The following BMS1 variants were observed in gnomAD, a reference collection of about 807,000 sequenced individuals.
BMS1 encodes BMS1 ribosome biogenesis factor.
Under a neutral mutation model 138.7 loss-of-function variants are expected in BMS1, and 53 were observed. That is an observed-to-expected ratio of 0.38 (90% CI 0.31 to 0.48). The LOEUF is 0.48. BMS1 is among the 20% of genes least tolerant of loss of function. The probability of loss-of-function intolerance (pLI) is 0.97; values close to 1 mark genes in which losing one functional copy is unlikely to be tolerated. For missense variants in BMS1, 1,360 were observed against 1,565.5 expected (o/e 0.87, Z 2.22); for synonymous variants, 504 against 539.9 (o/e 0.93, Z 0.92).
intron 3 of BMS1, 100 bp downstream of exon 3, chr10:42,785,772 G>A: frequency 7.6e-7 from 1 of 1,313,808 alleles, no homozygotes; most frequent in East Asian, 2.3e-5. Context: ...GTTAAATATT[G>A]TCATATCATG....
chr10:42,785,628 G>T lies in BMS1; in HGVS notation c.323G>T (p.Arg108Leu), dbSNP rs375112560. The change falls in exon 3 of 23, where the codon CGG becomes CTG. Residue 108 changes from arginine (R) to leucine (L), a missense_variant. Arg to Leu is a moderately radical substitution (Grantham distance 102, BLOSUM62 -2). Transcript: ENST00000374518. ...CAATGCCTCATTCGGAACTTTACCC[G>T]GCAGAAGTTGACTGAGATCAGAGGC... ...LIQCLIRNFTRQKLTEIRGPV... is the reference protein window; with the variant it reads ...LIQCLIRNFTLQKLTEIRGPV... The T allele has an allele frequency of 4.3e-6, 7 of 1,613,770 alleles. No homozygotes were observed. The highest frequency in any genetic ancestry group is 1.3e-5 in the African/African-American group (1 of 74,904).
At chr10:42,819,821 T>C (rs1842449261) in intron 15 of BMS1, among the ~76,000 whole-genome samples, 1 of 152,140 alleles carries the variant, frequency 6.6e-6, no homozygotes, top group East Asian at 1.9e-4. Flanking sequence ...AGATGGAATC[T>C]CGCTCTATTG....
intron 13 of BMS1, among the ~76,000 whole-genome samples, chr10:42,814,698 TG>T (rs1420290892): frequency 6.6e-6 from 1 of 152,216 alleles, no homozygotes; most frequent in African/African-American, 2.4e-5. Context: ...GGTGTTATTT[TG>T]GTCTGTTTGG....
At chr10:42,815,007 A>G (rs1842302428) in intron 13 of BMS1, among the ~76,000 whole-genome samples, 1 of 152,188 alleles carries the variant, frequency 6.6e-6, no homozygotes. Context: ...CCCTAGTCCT[A>G]GAGTCCCTCA....
At position 42,814,183 on chromosome 10, in the gene BMS1, C is replaced by T. The variant is rs187850391; in HGVS notation, c.2330-2416C>T. ...GCGTCAGGAATTAGTTATTTGCATGCTTTTGCAGCTCTGGTCTCCTGTGGG... is the reference window on the plus strand; with the variant it reads ...GCGTCAGGAATTAGTTATTTGCATGTTTTTGCAGCTCTGGTCTCCTGTGGG... On this transcript the variant is annotated intron_variant, in intron 13 of 22. Coordinates refer to ENST00000374518, the MANE Select transcript of BMS1 (RefSeq NM_014753.4). Among the ~76,000 whole-genome samples the T allele has an allele frequency of 8.5e-5, 13 of 152,290 alleles. No homozygotes were observed. The East Asian group carries it at 2.3e-3, about 27-fold the overall frequency.
At chr10:42,813,643 C>G (rs1842254117) in intron 13 of BMS1, among the ~76,000 whole-genome samples, 1 of 152,216 alleles carries the variant, frequency 6.6e-6, no homozygotes, top group Non-Finnish European at 1.5e-5. Flanking sequence ...ATCCACATTT[C>G]TGGTCTTTCC....
intron 2 of BMS1, among the ~76,000 whole-genome samples, chr10:42,785,230 C>G (rs920897663): frequency 3.9e-5 from 6 of 152,112 alleles, no homozygotes; most frequent in African/African-American, 7.2e-5. Context: ...AATTTTCGCT[C>G]TCTATAGTAT....
intron 13 of BMS1, among the ~76,000 whole-genome samples, chr10:42,807,725 T>C (rs1564421649): frequency 2.6e-5 from 4 of 152,200 alleles, no homozygotes; most frequent in Admixed American, 2.0e-4. Context: ...TGGCCTGTTT[T>C]CAATTTTTGA....
At chr10:42,792,365 T>C in intron 6 of BMS1, 128 bp from the exon 7 acceptor site, 1 of 1,317,970 alleles carries the variant, frequency 7.6e-7, no homozygotes, top group Non-Finnish European at 1.0e-6. Flanking sequence ...TGCCTCCTTA[T>C]TTCTGCATTT....
In BMS1 at chr10:42,797,250, G is replaced by A; in HGVS notation, c.1987+19G>A. 5 of 1,593,698 alleles carry A rather than the reference G, an allele frequency of 3.1e-6. No individual in the cohort carries two copies. Among genetic ancestry groups the A allele is most frequent in the South Asian group, 1.1e-5 (1 of 88,064 alleles). On this transcript the variant is annotated intron_variant, in intron 10 of 22. Transcript: ENST00000374518. ...ACGTCAGGTAAGCTTAAATGTAGTT[G>A]GTTGCTGCTATGAACTTGGCTCTCG... is the stretch of plus-strand genomic sequence containing the variant.
intron 13 of BMS1, among the ~76,000 whole-genome samples, chr10:42,811,767 G>A (rs1375847465): frequency 1.3e-5 from 2 of 150,466 alleles, no homozygotes; most frequent in African/African-American, 4.9e-5. Flanking sequence ...CTCGTGATCC[G>A]CCCGCCTCGG....
chr10:42,788,583 TTATTC>T (rs113539835), intron 4 of BMS1, among the ~76,000 whole-genome samples: 15,979 of 152,122 alleles, frequency 0.11, 984 homozygotes, highest in African/African-American at 0.17. Flanking sequence ...ACACCAGAAT[TTATTC>T]TAACTGTATT....
In BMS1 at chr10:42,820,110, A is replaced by G. The variant is rs537451736; in HGVS notation, c.2581-126A>G. On this transcript the variant is annotated intron_variant, in intron 15 of 22. Coordinates refer to ENST00000374518, the MANE Select transcript of BMS1 (RefSeq NM_014753.4). ...CCTGGCCAAATGTGTAGTATTTTTAATAGGGTAAAGCCTACATAATTCTGT... is the reference window on the plus strand; with the variant it reads ...CCTGGCCAAATGTGTAGTATTTTTAGTAGGGTAAAGCCTACATAATTCTGT... 1.0e-5 allele frequency: 13 copies of G among 1,260,490 alleles called. No homozygotes were observed. In the African/African-American group the frequency reaches 1.5e-4, roughly 15 times the overall value. The allele number at this position is 1,260,490 out of a possible 1,614,324, so 78.1% of individuals were successfully genotyped here.
chr10:42,813,918 G>C (rs1272287922), intron 13 of BMS1, among the ~76,000 whole-genome samples: 1 of 151,862 alleles, frequency 6.6e-6, no homozygotes, highest in Non-Finnish European at 1.5e-5. Flanking sequence ...TTTTTTGTTT[G>C]TTGGTTTGGT....
chr10:42,803,425 C>T (rs1226828123), intron 13 of BMS1, among the ~76,000 whole-genome samples: 3 of 152,136 alleles, frequency 2.0e-5, no homozygotes, highest in Admixed American at 6.6e-5. Context: ...AGGCATGAGC[C>T]ACTGTGCCTA....
chr10:42,797,367 A>G, intron 10 of BMS1, 55 bp from the exon 11 acceptor site: 1 of 1,599,124 alleles, frequency 6.3e-7, no homozygotes, highest in Non-Finnish European at 8.6e-7. Flanking sequence ...ATGGATCTCA[A>G]GGGAGGGGAG....
At chr10:42,792,115 G>C (rs527386563) in intron 6 of BMS1, among the ~76,000 whole-genome samples, 1 of 151,996 alleles carries the variant, frequency 6.6e-6, no homozygotes, top group Non-Finnish European at 1.5e-5. Context: ...GCTCTTCCTC[G>C]TGTGGTTTTC....
At position 42,793,161 on chromosome 10, in the gene BMS1, A is replaced by C. The variant is rs375570538; in HGVS notation, c.1089+17A>C. On this transcript the variant is annotated intron_variant, in intron 8 of 22. Coordinates refer to ENST00000374518, the MANE Select transcript of BMS1 (RefSeq NM_014753.4). ...GTTTTTCAGGTATCGGTGAGACGGG[A>C]GTCATTTCTCTGAACTTTCAGTATT... 23 of 1,574,992 alleles carry C rather than the reference A, an allele frequency of 1.5e-5. No individual in the cohort carries two copies. Among genetic ancestry groups the C allele is most frequent in the Non-Finnish European group, 1.8e-5 (21 of 1,163,450 alleles).
intron 4 of BMS1, among the ~76,000 whole-genome samples, chr10:42,787,849 G>A (rs1166576856): frequency 1.3e-5 from 2 of 152,110 alleles, no homozygotes; most frequent in African/African-American, 2.4e-5. Flanking sequence ...AGTCCTCAGT[G>A]TATGGAAAAT....
Sources: allele counts gnomAD v4.1 joint callset (sites outside exome capture counted in the v4.1 genomes callset), GRCh38; gene constraint gnomAD v4.1.1; transcripts MANE v1.5; gene names NCBI Gene and HGNC (gene_info 2026-07-23, HGNC 2026-07-21).